ANKS1B: variants seen among roughly 807,000 people sequenced by gnomAD.
ANKS1B encodes ankyrin repeat and sterile alpha motif domain containing 1B, also known as ankyrin repeat and sterile alpha motif domain-containing protein 1B.
A neutral mutation model predicts 148.3 loss-of-function variants in ANKS1B; 36 were observed. The observed-to-expected ratio is 0.24, with a 90% CI of 0.19 to 0.32. ANKS1B has a LOEUF of 0.32. ANKS1B is among the 10% of genes least tolerant of loss of function. ANKS1B has a pLI of 1.00. For missense variants in ANKS1B, 1,157 were observed against 1,542.6 expected, an observed-to-expected ratio of 0.75 and a Z score of 4.19; for synonymous variants, 542 against 560.8, an observed-to-expected ratio of 0.97 and a Z score of 0.47.
At chr12:99,471,211 G>T (rs1242143661) in intron 10 of ANKS1B, among the ~76,000 whole-genome samples, 1 of 151,886 alleles carries the variant, frequency 6.6e-6, no homozygotes. Flanking sequence ...AAGCTTTCCA[G>T]GTTCATTAAA....
downstream of ANKS1B, among the ~76,000 whole-genome samples, chr12:98,743,178 T>G (rs761880082): frequency 6.6e-6 from 1 of 152,150 alleles, no homozygotes; most frequent in Non-Finnish European, 1.5e-5. Context: ...TGGCCACGTG[T>G]TCCTTTATCC....
chr12:99,847,693 C>G (rs1309830783), intron 1 of ANKS1B, among the ~76,000 whole-genome samples: 2 of 152,176 alleles, frequency 1.3e-5, no homozygotes, highest in African/African-American at 4.8e-5. Context: ...CTTCTGAATG[C>G]TCCTGTGACA....
chr12:99,782,218 A>C (rs2064409701), intron 4 of ANKS1B, 121 bp from the exon 5 acceptor site: 2 of 773,016 alleles, frequency 2.6e-6, no homozygotes, highest in Non-Finnish European at 4.1e-6. Context: ...GCTCTCCCTA[A>C]CAGAAAGGTC....
chr12:99,107,142 C>A (rs967597119), intron 15 of ANKS1B, among the ~76,000 whole-genome samples: 2 of 151,590 alleles, frequency 1.3e-5, no homozygotes, highest in African/African-American at 4.8e-5. Context: ...AAAATACATG[C>A]ATCTTTAATA....
At chr12:99,675,430 TATTTTA>T (rs2098558281) in intron 8 of ANKS1B, among the ~76,000 whole-genome samples, 1 of 151,990 alleles carries the variant, frequency 6.6e-6, no homozygotes, top group Non-Finnish European at 1.5e-5. Context: ...GTCATTTTAT[TATTTTA>T]ATATGTTGCA....
Position 98,911,178 on chromosome 12 carries a change from C to T in ANKS1B, c.2779-79042G>A, listed in dbSNP as rs564676375. On this transcript the variant is annotated intron_variant, in intron 17 of 26. Coordinates refer to ENST00000683438, the MANE Select transcript of ANKS1B (RefSeq NM_001352186.2). ...AGATCCTAACCAAAGTTTCCTTGGA[C>T]TGCTTACTATAAAACTGTGTACTAT... Among the ~76,000 whole-genome samples, 47 of 152,148 alleles carry T rather than the reference C, an allele frequency of 3.1e-4. 1 individual carries two copies. In the South Asian group the frequency reaches 9.8e-3, roughly 32 times the overall value.
intron 16 of ANKS1B, among the ~76,000 whole-genome samples, chr12:99,072,027 T>G (rs2046440851): frequency 6.6e-6 from 1 of 152,164 alleles, no homozygotes; most frequent in Non-Finnish European, 1.5e-5. Flanking sequence ...AACAATAATC[T>G]TTAAATACAT....
chr12:99,812,232 C>A lies in ANKS1B; in HGVS notation c.295G>T (p.Ala99Ser). 1 of 1,611,946 alleles carries A rather than the reference C, an allele frequency of 6.2e-7. No individual in the cohort carries two copies. Among genetic ancestry groups the A allele is most frequent in the Non-Finnish European group, 8.5e-7 (1 of 1,178,654 alleles). The change falls in exon 3 of 27, where the codon GCT (alanine) becomes TCT (serine). Residue 99 changes from alanine to serine, a missense_variant. By Grantham distance (99) the Ala-to-Ser change is moderately conservative. Transcript: ENST00000683438. ...ATTTCCACATCTCCTTTCCAGGCAG[C>A]CAGGTGAATAGGAAAATACCCTTTG... ...DNKGYFPIHLAAWKGDVEIVK... is the reference protein window; with the variant it reads ...DNKGYFPIHLSAWKGDVEIVK...
intron 9 of ANKS1B, among the ~76,000 whole-genome samples, chr12:99,634,767 AT>A (rs1281797032): frequency 6.6e-6 from 1 of 152,200 alleles, no homozygotes; most frequent in Non-Finnish European, 1.5e-5. Flanking sequence ...TAAAAATTAG[AT>A]AAATTGGACT....
At chr12:98,912,897 C>G (rs2099788681) in intron 17 of ANKS1B, among the ~76,000 whole-genome samples, 1 of 152,162 alleles carries the variant, frequency 6.6e-6, no homozygotes, top group South Asian at 2.1e-4. Context: ...GGAAAGTGCC[C>G]TTGGAGATCA....
intron 12 of ANKS1B, among the ~76,000 whole-genome samples, chr12:99,342,564 C>T (rs747092754): frequency 6.6e-5 from 10 of 151,996 alleles, no homozygotes; most frequent in Non-Finnish European, 1.5e-4. Flanking sequence ...TTCCTGCTTC[C>T]ACTGAGATTC....
chr12:99,597,858 A>G (rs1408310928), intron 9 of ANKS1B, among the ~76,000 whole-genome samples: 1 of 152,062 alleles, frequency 6.6e-6, no homozygotes, highest in Non-Finnish European at 1.5e-5. Context: ...GAATAATTCT[A>G]TACCTCTTGA....
In ANKS1B at chr12:99,185,495, T is replaced by C. The variant is rs185046358; in HGVS notation, c.2420-31100A>G. 1.3e-5 allele frequency among the ~76,000 whole-genome samples: 2 copies of C among 152,306 alleles called. 1 individual carries two copies. Among genetic ancestry groups the C allele is most frequent in the East Asian group, 3.9e-4 (2 of 5,176 alleles). On this transcript the variant is annotated intron_variant, in intron 14 of 26. Coordinates refer to ENST00000683438, the MANE Select transcript of ANKS1B (RefSeq NM_001352186.2). ...AATAGCTCTGGTCTGCAGCTCCCAG[T>C]AAGATCAATGCAGAAGGTGGGTGAT... is the stretch of plus-strand genomic sequence containing the variant.
chr12:99,581,608 C>T (rs1430973510), intron 9 of ANKS1B, among the ~76,000 whole-genome samples: 4 of 152,222 alleles, frequency 2.6e-5, no homozygotes, highest in Admixed American at 6.5e-5. Context: ...AATGAAAAGT[C>T]GGCCGGGCGC....
chr12:99,168,140 G>A (rs761545978), intron 14 of ANKS1B, among the ~76,000 whole-genome samples: 2 of 152,184 alleles, frequency 1.3e-5, no homozygotes. Flanking sequence ...TCACAGGTGT[G>A]TATACATTTC....
chr12:98,781,416 T>C, intron 23 of ANKS1B: 1 of 640,526 alleles, frequency 1.6e-6, no homozygotes, highest in South Asian at 1.5e-5. Flanking sequence ...ACTTCGGGCT[T>C]ATAAAGTTAT....
intron 12 of ANKS1B, among the ~76,000 whole-genome samples, chr12:99,273,837 G>A (rs746529125): frequency 9.9e-5 from 15 of 151,778 alleles, no homozygotes; most frequent in Non-Finnish European, 1.5e-4. Flanking sequence ...CACCTGCCTC[G>A]GCCTCCCAAA....
intron 17 of ANKS1B, among the ~76,000 whole-genome samples, chr12:98,835,639 G>A (rs995697382): frequency 2.0e-5 from 3 of 152,170 alleles, no homozygotes; most frequent in Admixed American, 1.3e-4. Flanking sequence ...ATCTTCAATA[G>A]GAGGTAAGCT....
intron 19 of ANKS1B, among the ~76,000 whole-genome samples, chr12:98,813,176 C>T (rs1481403677): frequency 6.6e-6 from 1 of 151,686 alleles, no homozygotes; most frequent in African/African-American, 2.4e-5. Context: ...TCATCTGGGG[C>T]CCAAATTCCT....
Sources: allele counts gnomAD v4.1 joint callset (sites outside exome capture counted in the v4.1 genomes callset), GRCh38; gene constraint gnomAD v4.1.1; transcripts MANE v1.5; gene names NCBI Gene and HGNC (gene_info 2026-07-23, HGNC 2026-07-21).